RPS6KC1: variants seen among roughly 807,000 people sequenced by gnomAD.
RPS6KC1 encodes the protein ribosomal protein S6 kinase C1.
Under a neutral mutation model 103.8 loss-of-function variants are expected in RPS6KC1, and 54 were observed. The ratio of observed to expected loss-of-function variants is 0.52; its 90% CI spans 0.42 to 0.65. RPS6KC1 has a LOEUF of 0.65. Ranked by LOEUF, RPS6KC1 falls within the 30% of genes least tolerant of loss-of-function variation. The probability of loss-of-function intolerance (pLI) is 0.00; values close to 1 mark genes in which losing one functional copy is unlikely to be tolerated. For synonymous variants in RPS6KC1, 439 were observed against 438.7 expected, an observed-to-expected ratio of 1.00 and a Z score of -0.01; for missense variants, 1,151 against 1,253.8, an observed-to-expected ratio of 0.92 and a Z score of 1.24.
At chr1:213,079,910 CT>C (rs948756443) in intron 3 of RPS6KC1, among the ~76,000 whole-genome samples, 8 of 146,386 alleles carry the variant, frequency 5.5e-5, no homozygotes, top group African/African-American at 1.3e-4. Flanking sequence ...ACCATTTTTT[CT>C]TTTTTTCTTT....
At chr1:213,637,311 C>T in the RPS6KC1 span, among the ~76,000 whole-genome samples, 4 of 150,846 alleles carry the variant, frequency 2.7e-5, no homozygotes, top group African/African-American at 2.4e-5. Flanking sequence ...ACAATGCACA[C>T]GTATGTTTAT....
the RPS6KC1 span, among the ~76,000 whole-genome samples, chr1:213,309,567 T>C: frequency 6.6e-6 from 1 of 152,226 alleles, no homozygotes; most frequent in Non-Finnish European, 1.5e-5. Context: ...GTTGAACATG[T>C]TGCACAAGGT....
At chr1:213,233,811 A>T (rs2094158633) in intron 10 of RPS6KC1, among the ~76,000 whole-genome samples, 1 of 152,176 alleles carries the variant, frequency 6.6e-6, no homozygotes. Flanking sequence ...TTGAATGCTC[A>T]CATGACCATA....
At chr1:213,603,585 T>A in the RPS6KC1 span, among the ~76,000 whole-genome samples, 18 of 151,764 alleles carry the variant, frequency 1.2e-4, 1 homozygote, top group African/African-American at 3.9e-4. Flanking sequence ...TCTGGCCAGG[T>A]GTAGTAGCTC....
chr1:213,240,413 G>T (rs546200281), intron 10 of RPS6KC1, among the ~76,000 whole-genome samples: 1 of 152,074 alleles, frequency 6.6e-6, no homozygotes, highest in Admixed American at 6.6e-5. Context: ...AATTTTAGCT[G>T]TGAAATTTCA....
chr1:213,676,997 CAGAT>C, the RPS6KC1 span, among the ~76,000 whole-genome samples: 6 of 152,296 alleles, frequency 3.9e-5, no homozygotes, highest in South Asian at 6.2e-4. Flanking sequence ...AGCATGCTGA[CAGAT>C]AGATAGATAG....
the RPS6KC1 span, among the ~76,000 whole-genome samples, chr1:213,448,779 A>G: frequency 0.01 from 1,585 of 152,122 alleles, 175 homozygotes; most frequent in East Asian, 0.25. Context: ...AAAAAAAAAA[A>G]AAAAAGGAAA....
At chr1:213,693,856 A>G in the RPS6KC1 span, among the ~76,000 whole-genome samples, 1 of 152,204 alleles carries the variant, frequency 6.6e-6, no homozygotes, top group African/African-American at 2.4e-5. Context: ...TTTCTAATCT[A>G]TTTGTGCCCA....
chr1:213,588,923 A>T, the RPS6KC1 span, among the ~76,000 whole-genome samples: 3 of 152,176 alleles, frequency 2.0e-5, no homozygotes, highest in Non-Finnish European at 4.4e-5. Context: ...CCAAAAGTAA[A>T]CCAAATGAGA....
chr1:213,332,772 A>G, the RPS6KC1 span, among the ~76,000 whole-genome samples: 1 of 152,110 alleles, frequency 6.6e-6, no homozygotes, highest in African/African-American at 2.4e-5. Flanking sequence ...TGGCAGGACA[A>G]CTTCTTCCTT....
intron 1 of RPS6KC1, among the ~76,000 whole-genome samples, chr1:213,059,272 A>G (rs181187439): frequency 1.2e-3 from 179 of 152,304 alleles, no homozygotes; most frequent in African/African-American, 3.2e-3. Flanking sequence ...CTGCATAGAC[A>G]ATCTGTGTTG....
At chr1:213,844,664 G>A in the RPS6KC1 span, among the ~76,000 whole-genome samples, 1 of 152,126 alleles carries the variant, frequency 6.6e-6, no homozygotes, top group African/African-American at 2.4e-5. Flanking sequence ...ATAAAAATCT[G>A]CTTGAAAATC....
chr1:213,339,759 A>G, the RPS6KC1 span, among the ~76,000 whole-genome samples: 603 of 152,314 alleles, frequency 4.0e-3, 2 homozygotes, highest in African/African-American at 0.014. Context: ...AAGAGGATGT[A>G]GGATTCAGCC....
At chr1:213,793,937 G>A in the RPS6KC1 span, among the ~76,000 whole-genome samples, 1 of 152,058 alleles carries the variant, frequency 6.6e-6, no homozygotes, top group Non-Finnish European at 1.5e-5. Flanking sequence ...TAATAACGAA[G>A]ACAGTGTACA....
the RPS6KC1 span, among the ~76,000 whole-genome samples, chr1:213,816,635 T>C: frequency 6.6e-6 from 1 of 152,128 alleles, no homozygotes; most frequent in South Asian, 2.1e-4. Context: ...TCTGGTGTTA[T>C]TCCCCCCTCT....
the RPS6KC1 span, among the ~76,000 whole-genome samples, chr1:213,783,182 G>A: frequency 7.9e-4 from 121 of 152,266 alleles, no homozygotes; most frequent in South Asian, 3.1e-3. Flanking sequence ...AAACCAAGGC[G>A]CATCGGATGC....
At chr1:213,610,418 C>T in the RPS6KC1 span, among the ~76,000 whole-genome samples, 1 of 152,098 alleles carries the variant, frequency 6.6e-6, no homozygotes. Flanking sequence ...GTGGAAGAGT[C>T]CCCAGAGGGA....
chr1:213,722,535 G>A, the RPS6KC1 span, among the ~76,000 whole-genome samples: 1 of 152,166 alleles, frequency 6.6e-6, no homozygotes, highest in African/African-American at 2.4e-5. Context: ...AGTTTAGAAT[G>A]AGGATTACCA....
intron 8 of RPS6KC1, among the ~76,000 whole-genome samples, chr1:213,228,694 C>G (rs2094016994): frequency 6.6e-6 from 1 of 152,054 alleles, no homozygotes; most frequent in African/African-American, 2.4e-5. Context: ...CCAGAGCACT[C>G]TAGCTTGGGT....
Sources: gnomAD v4.1 joint callset for allele counts (sites outside exome capture counted in the v4.1 genomes callset) on GRCh38, gnomAD v4.1.1 for gene constraint, MANE v1.5 for transcripts, NCBI Gene and HGNC (gene_info 2026-07-23, HGNC 2026-07-21) for gene names.